Variants in ZNF713 observed in about 807,000 individuals in gnomAD.
ZNF713 encodes the protein zinc finger protein 713.
In ZNF713, 21 loss-of-function variants were observed where a neutral mutation model predicts 28.7. The observed-to-expected ratio is 0.73, with a 90% CI of 0.52 to 1.05. ZNF713 has a LOEUF of 1.05. ZNF713 is among the 50% of genes least tolerant of loss of function. The pLI is 0.00. For synonymous variants in ZNF713, 167 were observed against 178.0 expected (o/e 0.94, Z 0.49); for missense variants, 458 against 532.4 (o/e 0.86, Z 1.37).
Position 55,942,146 on chromosome 7 carries a change from G to C in ZNF713, c.*2140G>C, listed in dbSNP as rs1003510689. 2.0e-5 allele frequency: 3 copies of C among 152,136 alleles called. No homozygotes were observed. The highest frequency in any genetic ancestry group is 2.9e-5 in the Non-Finnish European group (2 of 68,042). 9.4% of individuals were successfully genotyped at this position (152,136 alleles called of 1,614,324 possible). The stretch of plus-strand genomic sequence containing the variant: ...GGAGAAGTGAGGAACTGTACCTGCG[G>C]GTGAGCCCTGGTGCCATGTTGAGGG... On this transcript the variant is annotated 3_prime_UTR_variant, in exon 7 of 7. Transcript: ENST00000429591.
chr7:55,935,780 C>T (rs1452493527), intron 6 of ZNF713, among the ~76,000 whole-genome samples: 1 of 151,928 alleles, frequency 6.6e-6, no homozygotes, highest in Non-Finnish European at 1.5e-5. Flanking sequence ...GGTGAAACCC[C>T]GTCTCTACTA....
chr7:55,923,215 C>T lies in ZNF713; in HGVS notation c.141C>T (p.Asp47=). 3.1e-6 allele frequency: 5 copies of T among 1,613,510 alleles called. No homozygotes were observed. Among genetic ancestry groups the T allele is most frequent in the East Asian group, 2.2e-5 (1 of 44,840 alleles). Reference sequence around the variant, plus strand: ...TGGACTTCACCAGAGAGGAGTGGGACCAGCTGTACCCTGCCCAAAAGAACC... The same window carrying T: ...TGGACTTCACCAGAGAGGAGTGGGATCAGCTGTACCCTGCCCAAAAGAACC... The part of the protein sequence containing the change: ...VAVDFTREEW[D]QLYPAQKNLY... The change falls in exon 5 of 7, where the codon GAC becomes GAT. Residue 47 remains aspartate, a synonymous_variant. Coordinates refer to ENST00000429591, the MANE Select transcript of ZNF713 (RefSeq NM_182633.3).
At chr7:55,893,769 A>C (rs1350510916) in intron 1 of ZNF713, among the ~76,000 whole-genome samples, 2 of 151,920 alleles carry the variant, frequency 1.3e-5, no homozygotes, top group Non-Finnish European at 2.9e-5. Context: ...TAGTAGAGAC[A>C]GCATTTCACT....
Position 55,940,481 on chromosome 7 carries a change from A to G in ZNF713, c.*475A>G. 7.1e-6 allele frequency: 7 copies of G among 985,408 alleles called. No individual in the cohort carries two copies. The highest frequency in any genetic ancestry group is 7.2e-6 in the Non-Finnish European group (6 of 829,878). The allele number at this position is 985,408 out of a possible 1,614,324, so 61.0% of individuals were successfully genotyped here. On this transcript the variant is annotated 3_prime_UTR_variant, in exon 7 of 7. Transcript: ENST00000429591. ...TTAGACCTTAAACTAGCAGCATATTACATTCCCAGGAGGGGTTATAAAAAG... is the reference window on the plus strand; with the variant it reads ...TTAGACCTTAAACTAGCAGCATATTGCATTCCCAGGAGGGGTTATAAAAAG...
At position 55,940,013 on chromosome 7, in the gene ZNF713, G is replaced by A. The variant is rs771802138; in HGVS notation, c.*7G>A. 3.1e-5 allele frequency: 48 copies of A among 1,548,284 alleles called. No individual in the cohort carries two copies. The East Asian group carries it at 9.5e-4, about 31-fold the overall frequency. ...TTCATTTAGCAGCACATAACTTATG[G>A]TGGGGGAAATCAGATAAATATATAA... On this transcript the variant is annotated 3_prime_UTR_variant, in exon 7 of 7. Coordinates refer to ENST00000429591, the MANE Select transcript of ZNF713 (RefSeq NM_182633.3).
intron 1 of ZNF713, among the ~76,000 whole-genome samples, chr7:55,896,969 A>G (rs1584296557): frequency 6.6e-6 from 1 of 152,328 alleles, no homozygotes; most frequent in East Asian, 1.9e-4. Flanking sequence ...GTGCAATAAA[A>G]TAAATAAGAA....
intron 4 of ZNF713, among the ~76,000 whole-genome samples, chr7:55,921,598 A>T (rs1193418212): frequency 2.6e-5 from 4 of 152,230 alleles, no homozygotes; most frequent in Admixed American, 1.3e-4. Context: ...AACTGCAGGC[A>T]TGGTGGAAAT....
intron 1 of ZNF713, among the ~76,000 whole-genome samples, chr7:55,887,968 C>T (rs1257681973): frequency 6.6e-6 from 1 of 150,722 alleles, no homozygotes; most frequent in Non-Finnish European, 1.5e-5. Context: ...TCACCCGCCC[C>T]GTGTCCCTTT....
At chr7:55,915,652 T>C (rs1382589353) in intron 4 of ZNF713, among the ~76,000 whole-genome samples, 1 of 152,178 alleles carries the variant, frequency 6.6e-6, no homozygotes, top group African/African-American at 2.4e-5. Context: ...GTGCTAAAAA[T>C]CATCTGCAAA....
intron 6 of ZNF713, among the ~76,000 whole-genome samples, chr7:55,927,305 C>T (rs1786115290): frequency 6.6e-6 from 1 of 152,024 alleles, no homozygotes; most frequent in Non-Finnish European, 1.5e-5. Flanking sequence ...GTGGAAGGAT[C>T]CCTTGAGCCC....
Position 55,939,165 on chromosome 7 carries a change from T to G in ZNF713, c.491T>G (p.Leu164Ter). The change falls in exon 7 of 7, where the codon TTA becomes TGA. Residue 164 changes from leucine to a stop codon, truncating the protein, a stop_gained. Coordinates refer to ENST00000429591, the MANE Select transcript of ZNF713 (RefSeq NM_182633.3). LOFTEE classifies it high-confidence loss of function. ...EFNQENHKRY[L>*]GQVTLTHKKI... ...AACCAAGAAAACCACAAGAGATATT[T>G]AGGACAAGTAACTTTGACCCACAAA... 6.2e-7 allele frequency: 1 copy of G among 1,613,956 alleles called. No homozygotes were observed.
At position 55,908,597 on chromosome 7, in the gene ZNF713, GT is replaced by G. The variant is rs900354998; in HGVS notation, c.-456+2229del. On this transcript the variant is annotated intron_variant, in intron 2 of 6. Coordinates refer to ENST00000429591, the MANE Select transcript of ZNF713 (RefSeq NM_182633.3). ...GCTCGTATGTCCCACTTTTTGATGG[GT>G]TTTTTTTTTTCTTGTTGAGTTCCTT... Among the ~76,000 whole-genome samples, 189 of 146,522 alleles carry G rather than the reference GT, an allele frequency of 1.3e-3. 1 individual carries two copies. The highest frequency in any genetic ancestry group is 3.5e-3 in the Middle Eastern group (1 of 282).
intron 1 of ZNF713, among the ~76,000 whole-genome samples, chr7:55,892,974 C>G (rs906156331): frequency 1.3e-5 from 2 of 151,864 alleles, no homozygotes; most frequent in African/African-American, 4.8e-5. Flanking sequence ...GCTCCGTCTC[C>G]CGGGTTCACG....
At chr7:55,910,322 G>A (rs552723025) in intron 2 of ZNF713, among the ~76,000 whole-genome samples, 1 of 152,142 alleles carries the variant, frequency 6.6e-6, no homozygotes, top group Non-Finnish European at 1.5e-5. Flanking sequence ...AGGACTTCTG[G>A]TACTATGTTG....
At chr7:55,929,619 G>A (rs966044417) in intron 6 of ZNF713, among the ~76,000 whole-genome samples, 11 of 152,066 alleles carry the variant, frequency 7.2e-5, no homozygotes, top group Admixed American at 2.0e-4. Flanking sequence ...GCTGGGTGCA[G>A]TGGCGCACAC....
At chr7:55,923,354 G>T in intron 5 of ZNF713, 66 bp downstream of exon 5, 1 of 1,545,996 alleles carries the variant, frequency 6.5e-7, no homozygotes, top group Non-Finnish European at 8.7e-7. Flanking sequence ...ACTAGTAGAA[G>T]CCTGCAAAGT....
chr7:55,888,930 A>T (rs1385203971), intron 1 of ZNF713, among the ~76,000 whole-genome samples: 1 of 151,980 alleles, frequency 6.6e-6, no homozygotes, highest in Non-Finnish European at 1.5e-5. Context: ...GTGTGCCTGT[A>T]GTCCCCAGCC....
chr7:55,932,855 C>G lies in ZNF713; in HGVS notation c.308-6127C>G, dbSNP rs532723640. On this transcript the variant is annotated intron_variant, in intron 6 of 6. Transcript: ENST00000429591. ...GCCGAGATTGCGCCACTGCAGTCCG[C>G]AGTCCGGCCTGGGCGACAGAGCGAG... 3.4e-5 allele frequency among the ~76,000 whole-genome samples: 4 copies of G among 118,848 alleles called. No homozygotes were observed. The East Asian group carries it at 1.2e-3, about 35-fold the overall frequency. 78.0% of individuals were successfully genotyped at this position (118,848 alleles called of 152,430 possible). A position where few individuals can be genotyped will look rare whatever the true frequency, so the allele number is the denominator to read the frequency against.
intron 4 of ZNF713, among the ~76,000 whole-genome samples, chr7:55,915,212 T>C (rs1418362310): frequency 6.6e-6 from 1 of 152,278 alleles, no homozygotes; most frequent in African/African-American, 2.4e-5. Context: ...GCATGTCTGC[T>C]TTTCCACATT....
Sources: gnomAD v4.1 joint callset for allele counts (sites outside exome capture counted in the v4.1 genomes callset) on GRCh38, gnomAD v4.1.1 for gene constraint, MANE v1.5 for transcripts, NCBI Gene and HGNC (gene_info 2026-07-23, HGNC 2026-07-21) for gene names.